DIP2C: variants seen among roughly 807,000 people sequenced by gnomAD.
DIP2C encodes DIP2 acetate--CoA ligase C (putative), also known as disco-interacting protein 2 homolog C.
In DIP2C, 33 loss-of-function variants were observed where a neutral mutation model predicts 192.4. The observed-to-expected ratio is 0.17, with a 90% CI of 0.13 to 0.23. DIP2C has a LOEUF of 0.23. DIP2C is among the 10% of genes least tolerant of loss of function. The pLI, the probability that DIP2C is intolerant of heterozygous loss-of-function variation, is 1.00. For synonymous variants in DIP2C, 979 were observed against 864.1 expected, an observed-to-expected ratio of 1.13 and a Z score of -2.33; for missense variants, 1,537 against 2,110.1, an observed-to-expected ratio of 0.73 and a Z score of 5.32.
chr10:417,963 C>T (rs1414011056), intron 6 of DIP2C, among the ~76,000 whole-genome samples: 3 of 109,388 alleles, frequency 2.7e-5, no homozygotes, highest in African/African-American at 1.1e-4. Context: ...TCCACCTGCA[C>T]CTGTCAGGGC....
At chr10:389,492 G>A (rs890142914) in intron 13 of DIP2C, among the ~76,000 whole-genome samples, 1 of 152,214 alleles carries the variant, frequency 6.6e-6, no homozygotes, top group Non-Finnish European at 1.5e-5. Flanking sequence ...AATTGGGAGG[G>A]TGGGTGGACA....
chr10:597,913 G>GC (rs1564248485), intron 1 of DIP2C, among the ~76,000 whole-genome samples: 1 of 152,140 alleles, frequency 6.6e-6, no homozygotes, highest in Non-Finnish European at 1.5e-5. Flanking sequence ...ACCTGGCCAT[G>GC]CCCCCAGGGG....
chr10:459,726 C>T (rs1335316600), intron 3 of DIP2C, among the ~76,000 whole-genome samples: 9 of 148,900 alleles, frequency 6.0e-5, no homozygotes, highest in African/African-American at 2.0e-4. Context: ...CATCAGGGAA[C>T]GGCGTGCTGC....
intron 1 of DIP2C, among the ~76,000 whole-genome samples, chr10:611,408 C>A (rs1442129663): frequency 6.6e-6 from 1 of 152,220 alleles, no homozygotes; most frequent in East Asian, 1.9e-4. Flanking sequence ...TGTTTTCCTT[C>A]TACCCAGCGG....
chr10:578,986 T>G (rs553828566), intron 1 of DIP2C, among the ~76,000 whole-genome samples: 27 of 152,136 alleles, frequency 1.8e-4, no homozygotes, highest in Admixed American at 5.2e-4. Flanking sequence ...GTAGTGTACA[T>G]ATGTAGGTAC....
At chr10:295,623 G>A (rs1466194194) in intron 32 of DIP2C, among the ~76,000 whole-genome samples, 1 of 138,860 alleles carries the variant, frequency 7.2e-6, no homozygotes. Flanking sequence ...AAAAAAAGAA[G>A]GCTATTATCA....
At chr10:612,920 G>C (rs569651519) in intron 1 of DIP2C, among the ~76,000 whole-genome samples, 1 of 152,178 alleles carries the variant, frequency 6.6e-6, no homozygotes, top group African/African-American at 2.4e-5. Context: ...ACTGTTAAAT[G>C]CATGTAAAAT....
chr10:370,651 C>T (rs1216662311), intron 17 of DIP2C, among the ~76,000 whole-genome samples: 1 of 152,198 alleles, frequency 6.6e-6, no homozygotes, highest in African/African-American at 2.4e-5. Context: ...TCTAAGATCA[C>T]GGATTACATT....
At chr10:488,684 C>T (rs1276428092) in intron 1 of DIP2C, among the ~76,000 whole-genome samples, 1 of 152,212 alleles carries the variant, frequency 6.6e-6, no homozygotes, top group Non-Finnish European at 1.5e-5. Context: ...GCTTTGCCCT[C>T]TCCCAGCCCC....
At chr10:408,867 G>A in intron 9 of DIP2C, 59 bp downstream of exon 9, 1 of 1,548,880 alleles carries the variant, frequency 6.5e-7, no homozygotes, top group Admixed American at 1.8e-5. Flanking sequence ...TAAACAGTGG[G>A]CACCTTTTCC....
intron 31 of DIP2C, among the ~76,000 whole-genome samples, chr10:314,389 C>T (rs1470874984): frequency 6.6e-6 from 1 of 152,210 alleles, no homozygotes; most frequent in African/African-American, 2.4e-5. Context: ...TTCCTGACCC[C>T]TCTGAAGTTG....
chr10:484,859 A>G, intron 2 of DIP2C: 4 of 1,611,568 alleles, frequency 2.5e-6, no homozygotes, highest in Non-Finnish European at 3.4e-6. Context: ...CGGACGTCGC[A>G]CACCCCGATG....
At chr10:499,519 G>A (rs1003586513) in intron 1 of DIP2C, among the ~76,000 whole-genome samples, 2 of 152,254 alleles carry the variant, frequency 1.3e-5, no homozygotes, top group Non-Finnish European at 2.9e-5. Flanking sequence ...GGCGGCAGGT[G>A]AGAGGGAGGT....
chr10:634,377 A>G (rs574930735), intron 1 of DIP2C, among the ~76,000 whole-genome samples: 3 of 152,160 alleles, frequency 2.0e-5, no homozygotes, highest in Non-Finnish European at 4.4e-5. Context: ...GGGCAGATCC[A>G]CTCGTAATGA....
chr10:654,159 G>A (rs1251284631), intron 1 of DIP2C, among the ~76,000 whole-genome samples: 2 of 152,202 alleles, frequency 1.3e-5, no homozygotes, highest in African/African-American at 4.8e-5. Flanking sequence ...GCAGGGAGGT[G>A]CATTTCTCCT....
At chr10:536,208 G>A (rs1011320671) in intron 1 of DIP2C, among the ~76,000 whole-genome samples, 10 of 152,262 alleles carry the variant, frequency 6.6e-5, no homozygotes, top group African/African-American at 1.4e-4. Context: ...ACCACATCAC[G>A]CCCATCTCTG....
intron 1 of DIP2C, among the ~76,000 whole-genome samples, chr10:628,340 CTG>C (rs1383419253): frequency 1.3e-5 from 2 of 152,226 alleles, no homozygotes; most frequent in Non-Finnish European, 2.9e-5. Flanking sequence ...AAAAATCCAC[CTG>C]TGTCACATTC....
chr10:655,572 CCT>C (rs1856237985), intron 1 of DIP2C, among the ~76,000 whole-genome samples: 1 of 152,164 alleles, frequency 6.6e-6, no homozygotes, highest in South Asian at 2.1e-4. Flanking sequence ...TAGTCACTGT[CCT>C]CTCTGTTCTG....
At chr10:312,322 G>A (rs1183433237) in intron 31 of DIP2C, among the ~76,000 whole-genome samples, 1 of 152,212 alleles carries the variant, frequency 6.6e-6, no homozygotes, top group Non-Finnish European at 1.5e-5. Context: ...CTCCTTGGAT[G>A]CAAGGTATTT....
Sources: allele counts gnomAD v4.1 joint callset (sites outside exome capture counted in the v4.1 genomes callset), GRCh38; gene constraint gnomAD v4.1.1; transcripts MANE v1.5; gene names NCBI Gene and HGNC (gene_info 2026-07-23, HGNC 2026-07-21).